DLGAP1: variants seen among roughly 807,000 people sequenced by gnomAD.
DLGAP1 encodes the protein DLG associated protein 1.
In DLGAP1, 11 loss-of-function variants were observed where a neutral mutation model predicts 90.8. The observed-to-expected ratio is 0.12, with a 90% CI of 0.08 to 0.20. DLGAP1 has a LOEUF of 0.20. Among genes scored for constraint, DLGAP1 ranks in the 10% least tolerant of loss-of-function variants. The probability of loss-of-function intolerance (pLI) is 1.00; values close to 1 mark genes in which losing one functional copy is unlikely to be tolerated. For synonymous variants in DLGAP1, 558 were observed against 540.7 expected, an observed-to-expected ratio of 1.03 and a Z score of -0.44; for missense variants, 1,050 against 1,333.8, an observed-to-expected ratio of 0.79 and a Z score of 3.31.
At chr18:4,111,135 C>T (rs1028785330) in intron 2 of DLGAP1, among the ~76,000 whole-genome samples, 1 of 152,052 alleles carries the variant, frequency 6.6e-6, no homozygotes, top group Non-Finnish European at 1.5e-5. Flanking sequence ...TGTAGAATTT[C>T]GTCATATACT....
intron 7 of DLGAP1, among the ~76,000 whole-genome samples, chr18:3,712,689 A>C (rs554317863): frequency 6.5e-4 from 99 of 152,310 alleles, no homozygotes; most frequent in African/African-American, 2.1e-3. Context: ...CTGGCCTGCT[A>C]ATCATTCCTT....
intron 9 of DLGAP1, among the ~76,000 whole-genome samples, chr18:3,542,633 T>C (rs538285218): frequency 6.6e-6 from 1 of 152,352 alleles, no homozygotes; most frequent in South Asian, 2.1e-4. Context: ...GTAGCTTCTT[T>C]GCATACCCCC....
rs191306844 is a variant in DLGAP1, at chr18:4,183,718, C to T, written c.-266-32431G>A. Among the ~76,000 whole-genome samples the T allele has an allele frequency of 1.1e-4, 16 of 152,148 alleles. No individual in the cohort carries two copies. In the East Asian group the frequency reaches 1.9e-3, roughly 18 times the overall value. ...TTGCCATGTAGGTTTCCTTGGAAGACGTCAGATAATCTTTACCTGGGTTTC... is the reference window on the plus strand; with the variant it reads ...TTGCCATGTAGGTTTCCTTGGAAGATGTCAGATAATCTTTACCTGGGTTTC... On this transcript the variant is annotated intron_variant, in intron 1 of 12. Transcript: ENST00000315677.
intron 1 of DLGAP1, among the ~76,000 whole-genome samples, chr18:4,242,711 T>A (rs1015854213): frequency 2.1e-4 from 32 of 152,058 alleles, no homozygotes; most frequent in African/African-American, 7.7e-4. Context: ...AGATCACACA[T>A]GTAGCATACC....
chr18:3,742,429 C>T lies in DLGAP1; in HGVS notation c.1256G>A (p.Ser419Asn). 1.2e-6 allele frequency: 2 copies of T among 1,614,128 alleles called. No individual in the cohort carries two copies. Among genetic ancestry groups the T allele is most frequent in the Non-Finnish European group, 8.5e-7 (1 of 1,180,038 alleles). Residue 419 changes from serine to asparagine, a missense_variant, in exon 6 of 13, where the codon AGC (serine) becomes AAC (asparagine). Coordinates refer to ENST00000315677, the MANE Select transcript of DLGAP1 (RefSeq NM_004746.4). ...GCCTGCAGGGTCCAGGCTGTCCAGG[C>T]TCCGGTTGATGGAGACTTCACTCAC... ...RAVSEVSINR[S>N]LDSLDPAGLL...
chr18:3,978,037 G>A, intron 3 of DLGAP1: 1 of 381,348 alleles, frequency 2.6e-6, no homozygotes. Flanking sequence ...GAGCCCCGTG[G>A]CTGTCATGCC....
intron 1 of DLGAP1, among the ~76,000 whole-genome samples, chr18:4,267,341 G>A (rs1391074705): frequency 6.6e-6 from 1 of 152,250 alleles, no homozygotes; most frequent in African/African-American, 2.4e-5. Flanking sequence ...GACTATCAAT[G>A]GGAAACTACA....
rs367791933 is a variant in DLGAP1, at chr18:3,625,862, C to G, written c.1592-43614G>C. Reference sequence around the variant, plus strand: ...ACTACCAATGTTGAACTAACCTCCCCTGACCCAGGGAGTTGAATAGTTTTT... The same window carrying G: ...ACTACCAATGTTGAACTAACCTCCCGTGACCCAGGGAGTTGAATAGTTTTT... On this transcript the variant is annotated intron_variant, in intron 7 of 12. Transcript: ENST00000315677. Among the ~76,000 whole-genome samples the G allele has an allele frequency of 1.4e-4, 21 of 152,358 alleles. 1 individual carries two copies. The highest frequency in any genetic ancestry group is 1.9e-4 in the East Asian group (1 of 5,192).
chr18:4,191,061 T>C (rs1324370676), intron 1 of DLGAP1, among the ~76,000 whole-genome samples: 1 of 152,114 alleles, frequency 6.6e-6, no homozygotes, highest in African/African-American at 2.4e-5. Flanking sequence ...TAAACCCTCT[T>C]ACCAAAAGTT....
intron 7 of DLGAP1, among the ~76,000 whole-genome samples, chr18:3,645,971 C>T (rs992288905): frequency 6.6e-6 from 1 of 152,224 alleles, no homozygotes; most frequent in African/African-American, 2.4e-5. Context: ...GAATCCTTTA[C>T]ATCATCGTGC....
chr18:4,010,644 A>G (rs367561004), intron 2 of DLGAP1, among the ~76,000 whole-genome samples: 3 of 152,200 alleles, frequency 2.0e-5, no homozygotes, highest in African/African-American at 7.2e-5. Context: ...TGGAATGTAT[A>G]TATTTTTTGC....
At chr18:4,452,047 C>A (rs2083848848) in intron 1 of DLGAP1, among the ~76,000 whole-genome samples, 1 of 152,056 alleles carries the variant, frequency 6.6e-6, no homozygotes, top group South Asian at 2.1e-4. Flanking sequence ...AAAATTGTAT[C>A]ATTTTCTTAA....
At chr18:3,626,360 G>A (rs2058295354) in intron 7 of DLGAP1, among the ~76,000 whole-genome samples, 1 of 151,724 alleles carries the variant, frequency 6.6e-6, no homozygotes, top group Non-Finnish European at 1.5e-5. Context: ...TTGGGAGGCT[G>A]AGGTGGGAGG....
At position 3,903,653 on chromosome 18, in the gene DLGAP1, G is replaced by A. The variant is rs202102220; in HGVS notation, c.-72-23513C>T. 6.6e-5 allele frequency among the ~76,000 whole-genome samples: 10 copies of A among 152,290 alleles called. No homozygotes were observed. The East Asian group carries it at 1.7e-3, about 26-fold the overall frequency. ...TACAGCATGTATTTCACTCCACTGGGTCTAATATTTGTTGGATGTTTTATA... is the reference window on the plus strand; with the variant it reads ...TACAGCATGTATTTCACTCCACTGGATCTAATATTTGTTGGATGTTTTATA... On this transcript the variant is annotated intron_variant, in intron 3 of 12. Coordinates refer to ENST00000315677, the MANE Select transcript of DLGAP1 (RefSeq NM_004746.4).
chr18:3,912,294 CCTA>C (rs1296883912), intron 3 of DLGAP1, among the ~76,000 whole-genome samples: 2 of 152,168 alleles, frequency 1.3e-5, no homozygotes, highest in African/African-American at 4.8e-5. Context: ...TGTCAGAGCA[CCTA>C]CTGTGTTAAG....
intron 1 of DLGAP1, among the ~76,000 whole-genome samples, chr18:4,337,535 G>C (rs984962677): frequency 2.0e-5 from 3 of 152,080 alleles, no homozygotes; most frequent in Non-Finnish European, 4.4e-5. Flanking sequence ...TCCTTAAAAA[G>C]ATTGTAAGAA....
intron 4 of DLGAP1, among the ~76,000 whole-genome samples, chr18:3,842,976 TG>T (rs2068805407): frequency 6.6e-6 from 1 of 152,206 alleles, no homozygotes; most frequent in Admixed American, 6.5e-5. Context: ...CACGTGTATT[TG>T]GGAACAAATC....
chr18:3,578,870 T>G (rs2145333888), intron 8 of DLGAP1, among the ~76,000 whole-genome samples: 1 of 152,234 alleles, frequency 6.6e-6, no homozygotes, highest in East Asian at 1.9e-4. Context: ...AAGTACTCAG[T>G]ACTTTGCTAT....
Position 3,741,109 on chromosome 18 carries a change from TCACCAC to T in DLGAP1, c.1350+1220_1350+1225del, listed in dbSNP as rs1338999345. ...ACCATCACCACCACCACCATCACCATCACCACCACCATCACCACCACCACCACATCA... is the reference window on the plus strand; with the variant it reads ...ACCATCACCACCACCACCATCACCATCACCATCACCACCACCACCACATCA... On this transcript the variant is annotated intron_variant, in intron 6 of 12. Coordinates refer to ENST00000315677, the MANE Select transcript of DLGAP1 (RefSeq NM_004746.4). Among the ~76,000 whole-genome samples the T allele has an allele frequency of 1.1e-3, 61 of 53,852 alleles. 1 individual carries two copies. In the East Asian group the frequency reaches 0.024, roughly 22 times the overall value. 35.3% of individuals were successfully genotyped at this position (53,852 alleles called of 152,430 possible).
Sources: gnomAD v4.1 joint callset for allele counts (sites outside exome capture counted in the v4.1 genomes callset) on GRCh38, gnomAD v4.1.1 for gene constraint, MANE v1.5 for transcripts, NCBI Gene and HGNC (gene_info 2026-07-23, HGNC 2026-07-21) for gene names.